The following AKAP6 variants were observed in gnomAD, a reference collection of about 807,000 sequenced individuals.
The protein encoded by AKAP6 is A-kinase anchoring protein 6.
AKAP6 carries 58 observed loss-of-function variants against 188.5 expected under a neutral mutation model. The ratio of observed to expected loss-of-function variants is 0.31; its 90% CI spans 0.25 to 0.38. The LOEUF (loss-of-function observed/expected upper bound fraction) is 0.38, where lower values mean the gene tolerates loss of function less well. Among genes scored for constraint, AKAP6 ranks in the 10% least tolerant of loss-of-function variants. AKAP6 has a pLI of 1.00. For missense variants in AKAP6, 2,710 were observed against 2,740.0 expected, an observed-to-expected ratio of 0.99 and a Z score of 0.24; for synonymous variants, 989 against 998.6, an observed-to-expected ratio of 0.99 and a Z score of 0.18.
Position 32,409,217 on chromosome 14 carries a change from A to C in AKAP6, c.-34-24243A>C, listed in dbSNP as rs1396915109. ...TCCGTCTCAAAAACCAAAACAAAAC[A>C]AAAAAGATTAGCATATGAACTAATT... is the stretch of plus-strand genomic sequence containing the variant. On this transcript the variant is annotated intron_variant, in intron 1 of 13. Transcript: ENST00000280979. Among the ~76,000 whole-genome samples, 3 of 152,228 alleles carry C rather than the reference A, an allele frequency of 2.0e-5. No homozygotes were observed. In the East Asian group the frequency reaches 5.8e-4, roughly 29 times the overall value.
intron 1 of AKAP6, among the ~76,000 whole-genome samples, chr14:32,341,493 G>C (rs1886888845): frequency 6.6e-6 from 1 of 152,138 alleles, no homozygotes; most frequent in Non-Finnish European, 1.5e-5. Flanking sequence ...TCAGTGATGA[G>C]AGCCAGTCCC....
intron 7 of AKAP6, among the ~76,000 whole-genome samples, chr14:32,607,222 A>G (rs1030403452): frequency 3.3e-5 from 5 of 152,204 alleles, no homozygotes; most frequent in African/African-American, 9.6e-5. Context: ...TTGGATCTGC[A>G]TTCTTTTCTT....
At chr14:32,372,167 A>AG (rs1320819720) in intron 1 of AKAP6, among the ~76,000 whole-genome samples, 1 of 152,232 alleles carries the variant, frequency 6.6e-6, no homozygotes, top group African/African-American at 2.4e-5. Context: ...AGCTTGAGGA[A>AG]GGAGTGGCTA....
chr14:32,501,030 A>G (rs965727693), intron 2 of AKAP6, among the ~76,000 whole-genome samples: 1 of 152,178 alleles, frequency 6.6e-6, no homozygotes, highest in African/African-American at 2.4e-5. Context: ...CAGTTATTCA[A>G]GGACTGAGGT....
rs748400060 is a variant in AKAP6 at position 32,539,524 on chromosome 14, T to C, written c.576+3719T>C. Among the ~76,000 whole-genome samples, 129 of 152,004 alleles carry C rather than the reference T, an allele frequency of 8.5e-4. 1 individual carries two copies. The highest frequency in any genetic ancestry group is 8.7e-4 in the Non-Finnish European group (59 of 68,014). ...TTCATATTGCTGTAAAAAAATCTGATTAGTTGAATTAAATAATACAGATAA... is the reference window on the plus strand; with the variant it reads ...TTCATATTGCTGTAAAAAAATCTGACTAGTTGAATTAAATAATACAGATAA... On this transcript the variant is annotated intron_variant, in intron 3 of 13. Transcript: ENST00000280979.
rs550899540 is a variant in AKAP6, at chr14:32,679,252, A to ATATT, written c.2879+796_2879+799dup. Among the ~76,000 whole-genome samples the ATATT allele has an allele frequency of 2.0e-5, 3 of 152,214 alleles. No homozygotes were observed. The South Asian group carries it at 6.2e-4, about 32-fold the overall frequency. The stretch of plus-strand genomic sequence containing the variant: ...TTTTCTTTTTTCCAGCCCAATTGTA[A>ATATT]TATTTAATAGGTGATTTTAGAGAGT... On this transcript the variant is annotated intron_variant, in intron 8 of 13. Coordinates refer to ENST00000280979, the MANE Select transcript of AKAP6 (RefSeq NM_004274.5).
intron 1 of AKAP6, among the ~76,000 whole-genome samples, chr14:32,405,543 G>A (rs1889260663): frequency 1.3e-5 from 2 of 152,034 alleles, no homozygotes; most frequent in Non-Finnish European, 2.9e-5. Context: ...ATTTCAGTTT[G>A]CAGTTCATTC....
chr14:32,508,757 T>C (rs1430867488), intron 2 of AKAP6, among the ~76,000 whole-genome samples: 6 of 152,152 alleles, frequency 3.9e-5, no homozygotes, highest in Admixed American at 3.3e-4. Flanking sequence ...TTATATACCA[T>C]TTTATATGAA....
intron 12 of AKAP6, among the ~76,000 whole-genome samples, chr14:32,778,108 A>G (rs1324878226): frequency 1.3e-5 from 2 of 152,248 alleles, no homozygotes; most frequent in East Asian, 1.9e-4. Flanking sequence ...ATATCATTCA[A>G]AAATGAAGAC....
intron 2 of AKAP6, among the ~76,000 whole-genome samples, chr14:32,450,361 A>T (rs1890897945): frequency 6.6e-6 from 1 of 151,854 alleles, no homozygotes; most frequent in Non-Finnish European, 1.5e-5. Context: ...AGAGGGATTG[A>T]TTTGTGGCAA....
chr14:32,784,063 A>G (rs1447570890), intron 12 of AKAP6, among the ~76,000 whole-genome samples: 3 of 152,188 alleles, frequency 2.0e-5, no homozygotes, highest in African/African-American at 7.2e-5. Context: ...AGAAGTTTTA[A>G]TTGTCAAAAA....
At chr14:32,695,944 A>C in intron 8 of AKAP6, 46 bp from the exon 9 acceptor site, 2 of 1,574,988 alleles carry the variant, frequency 1.3e-6, no homozygotes, top group Non-Finnish European at 1.7e-6. Context: ...AGATTTTAAC[A>C]ACTACACTGT....
At chr14:32,611,886 G>A (rs1030794909) in intron 7 of AKAP6, among the ~76,000 whole-genome samples, 4 of 152,212 alleles carry the variant, frequency 2.6e-5, no homozygotes, top group African/African-American at 7.2e-5. Context: ...AGGAAAGGAA[G>A]TGAATCAGTG....
At chr14:32,527,486 G>A (rs1024174984) in intron 2 of AKAP6, among the ~76,000 whole-genome samples, 17 of 152,160 alleles carry the variant, frequency 1.1e-4, no homozygotes, top group Admixed American at 8.5e-4. Context: ...CAAGGAGTGC[G>A]ATTGCTGGTT....
intron 7 of AKAP6, among the ~76,000 whole-genome samples, chr14:32,611,771 G>A (rs527406174): frequency 3.3e-5 from 5 of 152,124 alleles, no homozygotes; most frequent in African/African-American, 1.2e-4. Flanking sequence ...AGTGAACTTA[G>A]CATGTTTATA....
chr14:32,497,744 C>G (rs962980864), intron 2 of AKAP6, among the ~76,000 whole-genome samples: 1 of 151,804 alleles, frequency 6.6e-6, no homozygotes, highest in African/African-American at 2.4e-5. Flanking sequence ...ATTAAAATCT[C>G]CAATTAAAAT....
intron 7 of AKAP6, among the ~76,000 whole-genome samples, chr14:32,607,102 G>T (rs773091930): frequency 1.3e-5 from 2 of 152,120 alleles, no homozygotes; most frequent in East Asian, 3.9e-4. Flanking sequence ...TAAAGGAGTC[G>T]ATCTGGGGAG....
chr14:32,610,519 G>A (rs79781871), intron 7 of AKAP6, among the ~76,000 whole-genome samples: 2,125 of 152,184 alleles, frequency 0.014, 52 homozygotes, highest in African/African-American at 0.048. Flanking sequence ...CTGCCTAGCA[G>A]TGGAGACAGA....
At chr14:32,678,208 C>G (rs1950697) in intron 7 of AKAP6, 103 bp from the exon 8 acceptor site, 686,865 of 1,238,178 alleles carry the variant, frequency 0.55, 197,532 homozygotes, top group East Asian at 0.84. Context: ...AAAAGGAGCA[C>G]TATAATGATG....
Sources: gnomAD v4.1 joint callset for allele counts (sites outside exome capture counted in the v4.1 genomes callset) on GRCh38, gnomAD v4.1.1 for gene constraint, MANE v1.5 for transcripts, NCBI Gene and HGNC (gene_info 2026-07-23, HGNC 2026-07-21) for gene names.